Variants in SRBD1 observed in about 807,000 individuals in gnomAD.
SRBD1 encodes S1 RNA-binding domain-containing protein 1.
In SRBD1, 88 loss-of-function variants were observed where a neutral mutation model predicts 115.3. That is an observed-to-expected ratio of 0.76 (90% CI 0.64 to 0.91). The LOEUF (loss-of-function observed/expected upper bound fraction) is 0.91, where lower values mean the gene tolerates loss of function less well. Ranked by LOEUF, SRBD1 falls within the 40% of genes least tolerant of loss-of-function variation. The pLI is 0.00. For missense variants in SRBD1, 1,385 were observed against 1,177.4 expected (o/e 1.18, Z -2.58); for synonymous variants, 509 against 407.7 (o/e 1.25, Z -2.99).
intron 8 of SRBD1, 67 bp from the exon 9 acceptor site, chr2:45,573,409 A>G: frequency 6.6e-6 from 10 of 1,515,510 alleles, no homozygotes; most frequent in Non-Finnish European, 8.8e-6. Context: ...AAGAATATAT[A>G]GAAATAAGGA....
chr2:45,469,005 A>G (rs1378476701), intron 16 of SRBD1, among the ~76,000 whole-genome samples: 1 of 151,928 alleles, frequency 6.6e-6, no homozygotes, highest in Admixed American at 6.6e-5. Flanking sequence ...ATTCTTTTGT[A>G]TCTCCTCTTC....
intron 19 of SRBD1, among the ~76,000 whole-genome samples, chr2:45,410,661 A>C (rs975847999): frequency 3.9e-5 from 6 of 152,186 alleles, no homozygotes; most frequent in African/African-American, 1.4e-4. Context: ...AAACCAAACA[A>C]GTGACTAGAG....
chr2:45,550,467 G>C (rs928556712), intron 12 of SRBD1, among the ~76,000 whole-genome samples: 11 of 142,314 alleles, frequency 7.7e-5, no homozygotes, highest in Non-Finnish European at 1.5e-4. Context: ...CAGTTTGGCT[G>C]ACTTCTCAAC....
chr2:45,600,488 A>G (rs1021826744), intron 3 of SRBD1, among the ~76,000 whole-genome samples: 15 of 152,366 alleles, frequency 9.8e-5, no homozygotes, highest in Non-Finnish European at 1.8e-4. Context: ...CAGAAAAGTA[A>G]CACTCATTCA....
At chr2:45,442,924 G>A (rs1668714470) in intron 16 of SRBD1, among the ~76,000 whole-genome samples, 1 of 152,094 alleles carries the variant, frequency 6.6e-6, no homozygotes, top group African/African-American at 2.4e-5. Flanking sequence ...AAGTAAGTTT[G>A]TAATAAATAT....
At chr2:45,531,439 C>T (rs1038905632) in intron 14 of SRBD1, among the ~76,000 whole-genome samples, 3 of 151,728 alleles carry the variant, frequency 2.0e-5, no homozygotes, top group Admixed American at 1.3e-4. Flanking sequence ...GTCAAGGTTA[C>T]ATCAGTAAAC....
chr2:45,578,855 C>G (rs1673258091), intron 7 of SRBD1, among the ~76,000 whole-genome samples: 1 of 152,050 alleles, frequency 6.6e-6, no homozygotes, highest in African/African-American at 2.4e-5. Flanking sequence ...GCTCTTAACA[C>G]AAAAGAAGGT....
intron 2 of SRBD1, 79 bp from the exon 3 acceptor site, chr2:45,602,162 G>GA (rs77479686): frequency 0.042 from 61,776 of 1,480,470 alleles, 1,720 homozygotes; most frequent in East Asian, 0.13. Flanking sequence ...CAAGATTCTT[G>GA]AAAAAATGAT....
At chr2:45,549,756 G>A (rs370098321) in intron 12 of SRBD1, among the ~76,000 whole-genome samples, 3 of 149,950 alleles carry the variant, frequency 2.0e-5, no homozygotes, top group Non-Finnish European at 3.0e-5. Context: ...CCAGCTACTC[G>A]GGAGGCTGAG....
chr2:45,413,169 G>A lies in SRBD1; in HGVS notation c.2458C>T (p.Pro820Ser). The A allele has an allele frequency of 6.2e-7, 1 of 1,614,078 alleles. No homozygotes were observed. Among genetic ancestry groups the A allele is most frequent in the Non-Finnish European group, 8.5e-7 (1 of 1,179,974 alleles). The stretch of plus-strand genomic sequence containing the variant: ...ATACAAGTTTGGTCCAAAGGATTTG[G>A]CTTCAGTAAAACATTCACTGCAGTT... ...SKTAVNVLLK[P>S]NPLDQTCIHP... The change falls in exon 19 of 21, where the codon CCA becomes TCA. Residue 820 changes from proline (P) to serine (S), a missense_variant. Pro to Ser is a moderately conservative substitution (Grantham distance 74). Coordinates refer to ENST00000263736, the MANE Select transcript of SRBD1 (RefSeq NM_018079.5).
intron 4 of SRBD1, among the ~76,000 whole-genome samples, chr2:45,589,254 G>C (rs1673640183): frequency 6.6e-6 from 1 of 152,320 alleles, no homozygotes; most frequent in African/African-American, 2.4e-5. Context: ...TCCCTCTTGA[G>C]AGGCCTTCAT....
In SRBD1 at chr2:45,585,608, C is replaced by T. The variant is rs1271648361; in HGVS notation, c.815G>A (p.Arg272Gln). Residue 272 changes from arginine (R) to glutamine (Q), a missense_variant and splice_region_variant, in exon 5 of 21, where the codon CGG becomes CAG. Physicochemically the swap from Arg to Gln is conservative, Grantham distance 43 (BLOSUM62 1). Transcript: ENST00000263736. ...GCTTATTCTTTTTTAGGTTTCTTAC[C>T]GTAGCTCTTCTAGGGTTTGCTGAAC... is the stretch of plus-strand genomic sequence containing the variant. ...REVQQTLEELRAVAKKVHSTI... is the reference protein window; with the variant it reads ...REVQQTLEELQAVAKKVHSTI... 13 of 1,606,210 alleles carry T rather than the reference C, an allele frequency of 8.1e-6. No homozygotes were observed. Among genetic ancestry groups the T allele is most frequent in the Admixed American group, 1.7e-5 (1 of 58,424 alleles).
At chr2:45,565,871 C>A (rs1283197592) in intron 9 of SRBD1, among the ~76,000 whole-genome samples, 1 of 152,226 alleles carries the variant, frequency 6.6e-6, no homozygotes, top group Non-Finnish European at 1.5e-5. Flanking sequence ...GGCGATCCGC[C>A]TGCCTCAACC....
At chr2:45,407,788 A>G (rs1298657663) in intron 19 of SRBD1, among the ~76,000 whole-genome samples, 1 of 152,176 alleles carries the variant, frequency 6.6e-6, no homozygotes, top group South Asian at 2.1e-4. Context: ...AAGCAGATAT[A>G]AAAGGTAAAC....
chr2:45,589,940 G>A (rs1165086984), intron 4 of SRBD1, among the ~76,000 whole-genome samples: 4 of 152,182 alleles, frequency 2.6e-5, no homozygotes, highest in Non-Finnish European at 4.4e-5. Context: ...TCTGACAGAA[G>A]TGTATATACA....
At position 45,413,102 on chromosome 2, in the gene SRBD1, C is replaced by A; in HGVS notation, c.2513+12G>T. On this transcript the variant is annotated intron_variant, in intron 19 of 20. Coordinates refer to ENST00000263736, the MANE Select transcript of SRBD1 (RefSeq NM_018079.5). ...TGCATATGGAGAATTCCCACATGGG[C>A]CTCAGACTTACCTCATTGCTATGTC... The A allele has an allele frequency of 1.2e-6, 2 of 1,609,196 alleles. No individual in the cohort carries two copies. The highest frequency in any genetic ancestry group is 1.7e-6 in the Non-Finnish European group (2 of 1,177,824).
At chr2:45,472,056 T>C (rs943146588) in intron 16 of SRBD1, among the ~76,000 whole-genome samples, 1 of 152,072 alleles carries the variant, frequency 6.6e-6, no homozygotes, top group Non-Finnish European at 1.5e-5. Context: ...TTATAATACT[T>C]GAAAGGTATA....
Position 45,504,377 on chromosome 2 carries a change from T to C in SRBD1, c.1875-16046A>G, listed in dbSNP as rs1670734519. Among the ~76,000 whole-genome samples, 2 of 151,866 alleles carry C rather than the reference T, an allele frequency of 1.3e-5. 1 individual carries two copies. The highest frequency in any genetic ancestry group is 4.1e-4 in the South Asian group (2 of 4,828). ...AGGGCATTTTTTCATCCAAATTCTT[T>C]ATGTTTTTTGCAATTCAAAAAGATT... On this transcript the variant is annotated intron_variant, in intron 14 of 20. Coordinates refer to ENST00000263736, the MANE Select transcript of SRBD1 (RefSeq NM_018079.5).
intron 16 of SRBD1, among the ~76,000 whole-genome samples, chr2:45,445,550 T>TAAAAAAAAAAAAAAAAAAAAA (rs59451865): frequency 5.4e-5 from 2 of 37,044 alleles, no homozygotes; most frequent in East Asian, 2.0e-3. Context: ...TTCCCAGAGG[T>TAAAAAAAAAAAAAAAAAAAAA]AAAAAAAAAA....
Sources: allele counts gnomAD v4.1 joint callset (sites outside exome capture counted in the v4.1 genomes callset), GRCh38; gene constraint gnomAD v4.1.1; transcripts MANE v1.5; gene names NCBI Gene and HGNC (gene_info 2026-07-23, HGNC 2026-07-21).